SGCZ: variants seen among roughly 807,000 people sequenced by gnomAD.
The protein encoded by SGCZ is sarcoglycan zeta.
SGCZ carries 40 observed loss-of-function variants against 41.3 expected under a neutral mutation model. That is an observed-to-expected ratio of 0.97 (90% CI 0.75 to 1.26). SGCZ has a LOEUF of 1.26. Ranked by LOEUF, SGCZ falls within the 50% of genes most tolerant of loss-of-function variation. SGCZ has a pLI of 0.00. For missense variants in SGCZ, 552 were observed against 369.8 expected (o/e 1.49, Z -4.04); for synonymous variants, 206 against 137.5 (o/e 1.50, Z -3.49).
At position 14,599,086 on chromosome 8, in the gene SGCZ, A is replaced by G. The variant is rs548556593; in HGVS notation, c.40-44160T>C. Among the ~76,000 whole-genome samples, 36 of 152,252 alleles carry G rather than the reference A, an allele frequency of 2.4e-4. No individual in the cohort carries two copies. The South Asian group carries it at 7.3e-3, about 31-fold the overall frequency. ...TTCCCTACCTTATTCATTCAACAGC[A>G]TGATCATATGCAAAACTGTTTCATC... On this transcript the variant is annotated intron_variant, in intron 1 of 7. Coordinates refer to ENST00000382080, the MANE Select transcript of SGCZ (RefSeq NM_139167.4).
intron 1 of SGCZ, among the ~76,000 whole-genome samples, chr8:14,693,668 G>A (rs1362366369): frequency 7.6e-6 from 1 of 131,592 alleles, no homozygotes; most frequent in Non-Finnish European, 1.5e-5. Context: ...TCAGCTCACT[G>A]CAAGCTCCGC....
At chr8:14,846,004 A>C (rs567321096) in intron 1 of SGCZ, among the ~76,000 whole-genome samples, 1 of 152,326 alleles carries the variant, frequency 6.6e-6, no homozygotes, top group African/African-American at 2.4e-5. Context: ...AAGCTTAAAC[A>C]TGTATACACC....
Position 14,336,945 on chromosome 8 carries a change from T to C in SGCZ, c.235-12741A>G, listed in dbSNP as rs549664326. 7.2e-5 allele frequency among the ~76,000 whole-genome samples: 11 copies of C among 152,282 alleles called. No homozygotes were observed. The South Asian group carries it at 1.4e-3, about 20-fold the overall frequency. ...CCACATCCCACACACTTGTTTTCAA[T>C]TGTTCTACTTGCCTTTACTCTGGCA... On this transcript the variant is annotated intron_variant, in intron 2 of 7. Coordinates refer to ENST00000382080, the MANE Select transcript of SGCZ (RefSeq NM_139167.4).
chr8:14,595,762 A>G (rs899680263), intron 1 of SGCZ, among the ~76,000 whole-genome samples: 1 of 152,204 alleles, frequency 6.6e-6, no homozygotes, highest in Non-Finnish European at 1.5e-5. Flanking sequence ...TTTCCATAAT[A>G]GCTTACAGGG....
At chr8:14,313,979 C>T (rs1801631491) in intron 3 of SGCZ, among the ~76,000 whole-genome samples, 1 of 149,942 alleles carries the variant, frequency 6.7e-6, no homozygotes, top group Non-Finnish European at 1.5e-5. Context: ...GATGAAAAAC[C>T]ACAGGTAATT....
intron 4 of SGCZ, among the ~76,000 whole-genome samples, chr8:14,174,779 G>T (rs978620970): frequency 6.6e-6 from 1 of 152,104 alleles, no homozygotes; most frequent in Non-Finnish European, 1.5e-5. Flanking sequence ...CAATACAAAC[G>T]TATTGTCTCA....
chr8:15,215,420 A>G (rs966969042), intron 1 of SGCZ, among the ~76,000 whole-genome samples: 2 of 152,178 alleles, frequency 1.3e-5, no homozygotes, highest in African/African-American at 4.8e-5. Context: ...TCATATTTTT[A>G]CAGGCACTGT....
At chr8:14,832,360 C>G (rs1344766216) in intron 1 of SGCZ, among the ~76,000 whole-genome samples, 1 of 152,078 alleles carries the variant, frequency 6.6e-6, no homozygotes, top group East Asian at 1.9e-4. Flanking sequence ...AAAGATTGCT[C>G]AAGAACATCC....
intron 1 of SGCZ, among the ~76,000 whole-genome samples, chr8:14,744,941 C>A (rs1799300325): frequency 6.6e-6 from 1 of 152,152 alleles, no homozygotes; most frequent in Non-Finnish European, 1.5e-5. Flanking sequence ...ATCCATCATT[C>A]TGACTAGACT....
At chr8:15,057,005 C>T (rs1283104655) in intron 1 of SGCZ, among the ~76,000 whole-genome samples, 1 of 152,178 alleles carries the variant, frequency 6.6e-6, no homozygotes, top group Non-Finnish European at 1.5e-5. Context: ...GCACGAGGCT[C>T]TGAGGATGTG....
intron 2 of SGCZ, among the ~76,000 whole-genome samples, chr8:14,448,040 T>C (rs557102702): frequency 5.9e-5 from 9 of 152,244 alleles, no homozygotes; most frequent in Admixed American, 5.9e-4. Context: ...GAAAAAATGA[T>C]ACAAATAACA....
intron 2 of SGCZ, among the ~76,000 whole-genome samples, chr8:14,377,207 C>T (rs1302368661): frequency 6.6e-6 from 1 of 152,136 alleles, no homozygotes; most frequent in South Asian, 2.1e-4. Flanking sequence ...CACCAAGAGC[C>T]AATGATGTAA....
intron 1 of SGCZ, among the ~76,000 whole-genome samples, chr8:14,564,803 C>G (rs1213826116): frequency 1.3e-5 from 2 of 152,148 alleles, no homozygotes; most frequent in Non-Finnish European, 2.9e-5. Context: ...TAAACAGCTA[C>G]TAATGTTGAG....
At position 14,565,978 on chromosome 8, in the gene SGCZ, T is replaced by A. The variant is rs572530770; in HGVS notation, c.40-11052A>T. Reference sequence around the variant, plus strand: ...TATAGTGTAGTCAAATTTATTTTGATGTAAAATTTTCAAATGGATAATAAA... The same window carrying A: ...TATAGTGTAGTCAAATTTATTTTGAAGTAAAATTTTCAAATGGATAATAAA... On this transcript the variant is annotated intron_variant, in intron 1 of 7. Coordinates refer to ENST00000382080, the MANE Select transcript of SGCZ (RefSeq NM_139167.4). Among the ~76,000 whole-genome samples the A allele has an allele frequency of 5.3e-5, 8 of 152,330 alleles. No homozygotes were observed. The South Asian group carries it at 1.7e-3, about 32-fold the overall frequency.
chr8:14,922,282 T>C (rs1300724395), intron 1 of SGCZ, among the ~76,000 whole-genome samples: 1 of 152,136 alleles, frequency 6.6e-6, no homozygotes, highest in East Asian at 1.9e-4. Context: ...TCTTATAAAA[T>C]ATATGTGATA....
intron 1 of SGCZ, among the ~76,000 whole-genome samples, chr8:14,971,501 T>C (rs796584362): frequency 1.4e-4 from 21 of 152,222 alleles, no homozygotes; most frequent in African/African-American, 3.9e-4. Flanking sequence ...ATTTTGTCAA[T>C]GCTTTTTCTG....
intron 3 of SGCZ, chr8:14,309,807 T>G: frequency 7.0e-7 from 1 of 1,425,800 alleles, no homozygotes; most frequent in Non-Finnish European, 9.5e-7. Flanking sequence ...TACTAAGGTA[T>G]AAGAGAAGTC....
intron 1 of SGCZ, among the ~76,000 whole-genome samples, chr8:14,667,172 G>C (rs1342334525): frequency 1.3e-5 from 2 of 152,068 alleles, no homozygotes; most frequent in Non-Finnish European, 2.9e-5. Flanking sequence ...TCTTTGGAAA[G>C]GAGGAAGGGC....
chr8:14,269,708 C>A (rs954598344), intron 3 of SGCZ, among the ~76,000 whole-genome samples: 1 of 152,104 alleles, frequency 6.6e-6, no homozygotes, highest in Non-Finnish European at 1.5e-5. Context: ...TGACATGATG[C>A]TGTCAACTTC....
Sources: allele counts gnomAD v4.1 joint callset (sites outside exome capture counted in the v4.1 genomes callset), GRCh38; gene constraint gnomAD v4.1.1; transcripts MANE v1.5; gene names NCBI Gene and HGNC (gene_info 2026-07-23, HGNC 2026-07-21).